Variants in NFRKB observed in about 807,000 individuals in gnomAD.
NFRKB encodes the protein nuclear factor related to kappaB binding protein, also known as nuclear factor related to kappa-B-binding protein.
Under a neutral mutation model 135.7 loss-of-function variants are expected in NFRKB, and 62 were observed. The ratio of observed to expected loss-of-function variants is 0.46; its 90% confidence interval spans 0.37 to 0.56. NFRKB has a LOEUF of 0.56. Among genes scored for constraint, NFRKB ranks in the 20% least tolerant of loss-of-function variants. NFRKB has a pLI of 0.00. For synonymous variants in NFRKB, 678 were observed against 635.6 expected, an observed-to-expected ratio of 1.07 and a Z score of -1.00; for missense variants, 1,545 against 1,662.0, an observed-to-expected ratio of 0.93 and a Z score of 1.22.
rs1298100625 is a variant in NFRKB, at chr11:129,874,153, C to T, written c.2239G>A (p.Gly747Ser). ...PPPVSAVNKS[G>S]PSTVSEPAKS... Reference sequence around the variant, plus strand: ...GCTGGTTCTGAGACTGTGGAAGGGCCGCTTTTGTTCACTGCCGATACAGGT... The same window carrying T: ...GCTGGTTCTGAGACTGTGGAAGGGCTGCTTTTGTTCACTGCCGATACAGGT... Residue 747 changes from glycine (G) to serine (S), a missense_variant, in exon 21 of 27, where the codon GGC becomes AGC. Physicochemically the swap from Gly to Ser is moderately conservative, Grantham distance 56. Transcript: ENST00000682444. This position sits in a 1 kb window ranked among gnomAD's most constrained non-coding sequence, Gnocchi z 4.5. 19 of 1,526,064 alleles carry T rather than the reference C, an allele frequency of 1.2e-5. No homozygotes were observed. Among genetic ancestry groups the T allele is most frequent in the Non-Finnish European group, 1.6e-5 (18 of 1,138,044 alleles). 94.5% of individuals were successfully genotyped at this position (1,526,064 alleles called of 1,614,324 possible).
At chr11:129,870,413 T>A in intron 23 of NFRKB, 152 bp from the exon 24 acceptor site, 1 of 864,762 alleles carries the variant, frequency 1.2e-6, no homozygotes, top group Non-Finnish European at 1.7e-6. Context: ...GAGAACAGTA[T>A]AACAAACCCT....
chr11:129,893,732 C>T (rs1949662950), intron 2 of NFRKB, among the ~76,000 whole-genome samples: 1 of 152,088 alleles, frequency 6.6e-6, no homozygotes, highest in African/African-American at 2.4e-5. Flanking sequence ...TACAACTGTG[C>T]AAAGTAAGGT....
chr11:129,890,394 G>C (rs139817575), intron 3 of NFRKB, among the ~76,000 whole-genome samples: 1 of 152,100 alleles, frequency 6.6e-6, no homozygotes, highest in Non-Finnish European at 1.5e-5. Context: ...TAACATAAAG[G>C]GACTGCCCTG....
rs970154398 is a variant in NFRKB, at chr11:129,892,576, A to C, written c.135+139T>G. ...AGACTCTAAACTTAAAAAAAAGATA[A>C]GAGATCAGGCTGCCTGCAATGTAGA... On this transcript the variant is annotated intron_variant, in intron 3 of 26. Transcript: ENST00000682444. 64 of 810,096 alleles carry C rather than the reference A, an allele frequency of 7.9e-5. No homozygotes were observed. In the African/African-American group the frequency reaches 1.1e-3, roughly 13 times the overall value. 50.2% of individuals were successfully genotyped at this position (810,096 alleles called of 1,614,324 possible). A position where few individuals can be genotyped will look rare whatever the true frequency, so the allele number is the denominator to read the frequency against.
rs869257432 is a variant in NFRKB, at chr11:129,863,639, AAAC to A, written c.*1083_*1085del. ...CAAACAAACAAACAAACAAACAAAC[AAAC>A]AAAAAACGCTTTTACTTAAAAGGCC... On this transcript the variant is annotated 3_prime_UTR_variant, in exon 27 of 27. Transcript: ENST00000682444. The A allele has an allele frequency of 4.4e-5, 7 of 158,570 alleles. No homozygotes were observed. Among genetic ancestry groups the A allele is most frequent in the African/African-American group, 1.5e-4 (6 of 41,282 alleles). The allele number at this position is 158,570 out of a possible 1,614,324, so 9.8% of individuals were successfully genotyped here.
chr11:129,875,235 T>A, intron 18 of NFRKB, 122 bp downstream of exon 18: 2 of 893,642 alleles, frequency 2.2e-6, no homozygotes, highest in East Asian at 2.6e-5. Flanking sequence ...CACTATGCAT[T>A]TTTCAAGGTA....
intron 3 of NFRKB, among the ~76,000 whole-genome samples, chr11:129,892,102 G>A (rs1274096719): frequency 6.6e-6 from 1 of 151,676 alleles, no homozygotes; most frequent in African/African-American, 2.4e-5. Flanking sequence ...GTGGTGTCTG[G>A]TTACATGGGT....
chr11:129,889,214 G>A (rs548769999), intron 3 of NFRKB, among the ~76,000 whole-genome samples: 5 of 152,030 alleles, frequency 3.3e-5, no homozygotes, highest in African/African-American at 9.6e-5. Context: ...TGCCTGCTTC[G>A]GCCTCCCAAA....
At position 129,874,935 on chromosome 11, in the gene NFRKB, G is replaced by A; in HGVS notation, c.1855-19C>T. 1 of 1,613,612 alleles carries A rather than the reference G, an allele frequency of 6.2e-7. No homozygotes were observed. Among genetic ancestry groups the A allele is most frequent in the Non-Finnish European group, 8.5e-7 (1 of 1,179,656 alleles). On this transcript the variant is annotated intron_variant, in intron 18 of 26. Transcript: ENST00000682444. This position sits in a 1 kb window ranked among gnomAD's most constrained non-coding sequence, Gnocchi z 4.5. ...TATTTACCTACAAATCAGACAAAGG[G>A]AAATAAGAAACAAGTCAAGCTTAGA...
intron 9 of NFRKB, 137 bp from the exon 10 acceptor site, chr11:129,882,768 A>C: frequency 2.3e-6 from 2 of 872,882 alleles, no homozygotes; most frequent in Non-Finnish European, 3.6e-6. Context: ...ATGAAACCAA[A>C]TTCATTGAGT....
chr11:129,869,669 C>T lies in NFRKB; in HGVS notation c.3356G>A (p.Ser1119Asn), dbSNP rs1372992501. 1 of 1,614,134 alleles carries T rather than the reference C, an allele frequency of 6.2e-7. No individual in the cohort carries two copies. Among genetic ancestry groups the T allele is most frequent in the Non-Finnish European group, 8.5e-7 (1 of 1,180,056 alleles). The change falls in exon 24 of 27, where the codon AGT becomes AAT. Residue 1119 changes from serine (S) to asparagine (N), a missense_variant. Around this residue, in one of 3 missense-constraint regions of NFRKB, gnomAD observed 753 missense variants for 804.3 expected, o/e 0.94. Coordinates refer to ENST00000682444, the MANE Select transcript of NFRKB (RefSeq NM_001143835.2). ...THAKQGASVA[S>N]GSGTVHTSAV... is the part of the protein sequence containing the mutation. ...TGAAGTATGGACAGTTCCAGACCCA[C>T]TGGCCACCGAGGCCCCTTGCTTGGC... is the stretch of plus-strand genomic sequence containing the variant.
At chr11:129,875,008 A>T in intron 18 of NFRKB, 92 bp from the exon 19 acceptor site, 1 of 1,490,012 alleles carries the variant, frequency 6.7e-7, no homozygotes, top group Non-Finnish European at 9.3e-7. Context: ...TTGTATCTAA[A>T]TCACAGCTGA....
intron 5 of NFRKB, 22 bp from the exon 6 acceptor site, chr11:129,885,631 G>T: frequency 1.3e-6 from 2 of 1,586,906 alleles, no homozygotes; most frequent in South Asian, 1.1e-5. Context: ...TCAGGTGGGG[G>T]TACAAGTCAT....
At chr11:129,889,190 G>T (rs1036663805) in intron 3 of NFRKB, among the ~76,000 whole-genome samples, 13 of 152,178 alleles carry the variant, frequency 8.5e-5, no homozygotes, top group East Asian at 3.9e-4. Context: ...TCAAACTCCT[G>T]ACCTGAGGTG....
rs2135667558 is a variant in NFRKB at position 129,884,822 on chromosome 11, G to A, written c.665C>T (p.Ser222Phe). ...CGCAGGACTAGGAGAACGTGCTGGAGAGCTCGGAAGCCATGAGCTGAGATC... is the reference window on the plus strand; with the variant it reads ...CGCAGGACTAGGAGAACGTGCTGGAAAGCTCGGAAGCCATGAGCTGAGATC... ...EEDLSSWLPS[S>F]PARSPSPAVP... The change falls in exon 7 of 27, where the codon TCT becomes TTT. Residue 222 changes from serine to phenylalanine, a missense_variant. Ser to Phe is a radical substitution (Grantham distance 155). Coordinates refer to ENST00000682444, the MANE Select transcript of NFRKB (RefSeq NM_001143835.2). The A allele has an allele frequency of 1.2e-6, 2 of 1,614,230 alleles. No individual in the cohort carries two copies. The highest frequency in any genetic ancestry group is 1.1e-5 in the South Asian group (1 of 91,090).
intron 6 of NFRKB, 93 bp from the exon 7 acceptor site, chr11:129,884,939 A>G (rs1949203590): frequency 1.9e-6 from 3 of 1,589,866 alleles, no homozygotes; most frequent in Non-Finnish European, 2.6e-6. Flanking sequence ...AACAAGGCTA[A>G]GCCAACAACA....
In NFRKB at chr11:129,892,792, C is replaced by T; in HGVS notation, c.58G>A (p.Gly20Ser). The change falls in exon 3 of 27, where the codon GGC (glycine) becomes AGC (serine). Residue 20 changes from glycine (G) to serine (S), a missense_variant. Physicochemically the swap from Gly to Ser is moderately conservative, Grantham distance 56. This residue lies in a region of NFRKB where 678 missense variants were observed against 646.7 expected (regional missense o/e 1.05). Coordinates refer to ENST00000682444, the MANE Select transcript of NFRKB (RefSeq NM_001143835.2). Reference sequence around the variant, plus strand: ...TCCTCCATGATGCGCGTGCCATGGCCATCTCCACACGGACCAAGTTCCAGA... The same window carrying T: ...TCCTCCATGATGCGCGTGCCATGGCTATCTCCACACGGACCAAGTTCCAGA... Reference protein sequence around the residue: ...DPLELGPCGDGHGTRIMEDCL... With the variant: ...DPLELGPCGDSHGTRIMEDCL... The T allele has an allele frequency of 5.0e-6, 8 of 1,614,154 alleles. No homozygotes were observed. The highest frequency in any genetic ancestry group is 5.9e-6 in the Non-Finnish European group (7 of 1,180,018).
intron 10 of NFRKB, 29 bp from the exon 11 acceptor site, chr11:129,882,223 A>C: frequency 1.3e-6 from 2 of 1,568,910 alleles, no homozygotes; most frequent in Non-Finnish European, 8.7e-7. Flanking sequence ...TATAAGAACC[A>C]AAAAGACCAA....
intron 24 of NFRKB, among the ~76,000 whole-genome samples, chr11:129,867,426 C>A (rs1395969422): frequency 1.4e-5 from 2 of 147,914 alleles, no homozygotes; most frequent in African/African-American, 5.0e-5. Flanking sequence ...AAATGATTAT[C>A]CTGCCTCAGC....
Sources: gnomAD v4.1 joint callset for allele counts (sites outside exome capture counted in the v4.1 genomes callset) on GRCh38, gnomAD v4.1.1 for gene constraint, gnomAD v4.1.1 regional missense constraint, Gnocchi (gnomAD v3.1) non-coding constraint, MANE v1.5 for transcripts, NCBI Gene and HGNC (gene_info 2026-07-23, HGNC 2026-07-21) for gene names.